ARHGAP26: variants seen among roughly 807,000 people sequenced by gnomAD.
ARHGAP26 encodes Rho GTPase activating protein 26.
Under a neutral mutation model 104.8 loss-of-function variants are expected in ARHGAP26, and 38 were observed. The ratio of observed to expected loss-of-function variants is 0.36; its 90% CI spans 0.28 to 0.48. The LOEUF is 0.48. ARHGAP26 is among the 20% of genes least tolerant of loss of function. The probability of loss-of-function intolerance (pLI) is 0.99; values close to 1 mark genes in which losing one functional copy is unlikely to be tolerated. For missense variants in ARHGAP26, 704 were observed against 947.9 expected, an observed-to-expected ratio of 0.74 and a Z score of 3.38; for synonymous variants, 341 against 340.0, an observed-to-expected ratio of 1.00 and a Z score of -0.03.
chr5:143,081,598 G>A (rs1007612875), intron 17 of ARHGAP26, among the ~76,000 whole-genome samples: 1 of 152,230 alleles, frequency 6.6e-6, no homozygotes, highest in Non-Finnish European at 1.5e-5. Context: ...GGTGAAAACA[G>A]AGGTGTCCTT....
chr5:142,929,052 G>A (rs1385271950), intron 10 of ARHGAP26, among the ~76,000 whole-genome samples: 6 of 152,026 alleles, frequency 3.9e-5, no homozygotes, highest in Non-Finnish European at 8.8e-5. Context: ...ATTTTCCTGC[G>A]TCAGCCTCCC....
At chr5:143,121,345 A>G (rs986578101) in intron 18 of ARHGAP26, among the ~76,000 whole-genome samples, 198 bp downstream of exon 18, 1 of 152,202 alleles carries the variant, frequency 6.6e-6, no homozygotes, top group Non-Finnish European at 1.5e-5. Flanking sequence ...GGTAGTTACA[A>G]TGACAACAGC....
intron 17 of ARHGAP26, among the ~76,000 whole-genome samples, chr5:143,099,541 A>G (rs549117116): frequency 9.8e-5 from 15 of 152,368 alleles, no homozygotes; most frequent in African/African-American, 3.4e-4. Context: ...TTATTTTTCT[A>G]TCTCAGCCTG....
At chr5:143,116,844 A>G (rs1795519003) in intron 17 of ARHGAP26, among the ~76,000 whole-genome samples, 1 of 152,146 alleles carries the variant, frequency 6.6e-6, no homozygotes, top group Non-Finnish European at 1.5e-5. Context: ...ACTGCCTGAA[A>G]CATGGGGTAC....
chr5:143,019,025 A>G (rs1779949277), intron 12 of ARHGAP26, among the ~76,000 whole-genome samples: 1 of 152,140 alleles, frequency 6.6e-6, no homozygotes, highest in African/African-American at 2.4e-5. Flanking sequence ...TTTTCTGCCT[A>G]GAGATCGTGT....
At chr5:142,851,222 G>A (rs1278683427) in intron 1 of ARHGAP26, among the ~76,000 whole-genome samples, 1 of 151,534 alleles carries the variant, frequency 6.6e-6, no homozygotes, top group East Asian at 1.9e-4. Context: ...TCAGCCTCCC[G>A]AGTAGTTGGG....
At chr5:143,088,642 A>C (rs762840380) in intron 17 of ARHGAP26, among the ~76,000 whole-genome samples, 2 of 152,180 alleles carry the variant, frequency 1.3e-5, no homozygotes, top group African/African-American at 2.4e-5. Flanking sequence ...CGAATATAAA[A>C]TTTTCTTTAT....
intron 12 of ARHGAP26, among the ~76,000 whole-genome samples, chr5:143,016,468 G>T (rs1779600277): frequency 6.6e-6 from 1 of 152,168 alleles, no homozygotes; most frequent in South Asian, 2.1e-4. Flanking sequence ...ACTTTGGGAG[G>T]CCGAGGCGGG....
intron 11 of ARHGAP26, among the ~76,000 whole-genome samples, chr5:142,949,122 G>A (rs252232): frequency 0.44 from 52,520 of 118,908 alleles, 15,470 homozygotes; most frequent in East Asian, 0.9. Context: ...AAAAATTGAA[G>A]AAAGCACAGA....
At position 143,222,467 on chromosome 5, in the gene ARHGAP26, G is replaced by A; in HGVS notation, c.*21G>A. 12 of 1,568,568 alleles carry A rather than the reference G, an allele frequency of 7.7e-6. No homozygotes were observed. Among genetic ancestry groups the A allele is most frequent in the Non-Finnish European group, 1.0e-5 (12 of 1,149,678 alleles). ...TCTAACCGTGGGCCCCAGCAGAACT[G>A]CTGAGCTTTACATGGTATCCATGAC... is the stretch of plus-strand genomic sequence containing the variant. On this transcript the variant is annotated 3_prime_UTR_variant, in exon 23 of 23. Transcript: ENST00000645722.
chr5:142,958,015 A>C (rs1213906786), intron 11 of ARHGAP26, among the ~76,000 whole-genome samples: 6 of 152,248 alleles, frequency 3.9e-5, no homozygotes, highest in African/African-American at 2.4e-5. Flanking sequence ...CTTTAACATA[A>C]CTTGAACACA....
intron 19 of ARHGAP26, among the ~76,000 whole-genome samples, chr5:143,146,926 A>AT (rs1799229458): frequency 1.3e-5 from 2 of 152,152 alleles, no homozygotes; most frequent in African/African-American, 4.8e-5. Flanking sequence ...TGCCAGTCAA[A>AT]AGAAGATGCA....
At chr5:142,804,656 T>C (rs561469338) in intron 1 of ARHGAP26, among the ~76,000 whole-genome samples, 1 of 152,142 alleles carries the variant, frequency 6.6e-6, no homozygotes, top group South Asian at 2.1e-4. Context: ...CACACCCAGC[T>C]AATTTTTGTA....
chr5:143,056,750 A>G (rs1231380207), intron 16 of ARHGAP26, among the ~76,000 whole-genome samples: 1 of 152,120 alleles, frequency 6.6e-6, no homozygotes, highest in Non-Finnish European at 1.5e-5. Context: ...TCTTCACAGT[A>G]TTATTATGTC....
chr5:143,186,178 G>A (rs3776233), intron 20 of ARHGAP26, among the ~76,000 whole-genome samples: 10,063 of 152,268 alleles, frequency 0.066, 1,050 homozygotes, highest in African/African-American at 0.22. Context: ...TCACCTTGTG[G>A]AATATTATAA....
chr5:143,207,147 A>G, intron 20 of ARHGAP26, 51 bp from the exon 21 acceptor site: 1 of 1,588,208 alleles, frequency 6.3e-7, no homozygotes, highest in South Asian at 1.2e-5. Context: ...CTGTGCTCCC[A>G]TTGTGGTTTC....
intron 21 of ARHGAP26, among the ~76,000 whole-genome samples, chr5:143,210,921 C>CGTA (rs957214523): frequency 4.6e-5 from 7 of 152,222 alleles, no homozygotes; most frequent in African/African-American, 1.7e-4. Flanking sequence ...CGAAAACTAC[C>CGTA]CCAGGCCCTC....
intron 1 of ARHGAP26, among the ~76,000 whole-genome samples, chr5:142,796,888 A>G (rs1355034848): frequency 1.3e-5 from 2 of 152,172 alleles, no homozygotes; most frequent in East Asian, 1.9e-4. Context: ...TTAGGTCTCA[A>G]CACACAGAGG....
intron 1 of ARHGAP26, among the ~76,000 whole-genome samples, chr5:142,809,608 GTCC>G (rs1170981268): frequency 6.6e-6 from 1 of 152,212 alleles, no homozygotes; most frequent in Non-Finnish European, 1.5e-5. Context: ...GAGAAAAATA[GTCC>G]TCCTTTGGAG....
Sources: gnomAD v4.1 joint callset for allele counts (sites outside exome capture counted in the v4.1 genomes callset) on GRCh38, gnomAD v4.1.1 for gene constraint, MANE v1.5 for transcripts, NCBI Gene and HGNC (gene_info 2026-07-23, HGNC 2026-07-21) for gene names.